Variants in DNER observed in about 807,000 individuals in gnomAD.
DNER encodes delta and Notch-like epidermal growth factor-related receptor.
In DNER, 33 loss-of-function variants were observed where a neutral mutation model predicts 78.2. That is an observed-to-expected ratio of 0.42 (90% confidence interval 0.32 to 0.56). The LOEUF is 0.56. Among genes scored for constraint, DNER ranks in the 20% least tolerant of loss-of-function variants. The pLI is 0.11. For synonymous variants in DNER, 417 were observed against 384.8 expected (o/e 1.08, Z -0.98); for missense variants, 918 against 975.3 (o/e 0.94, Z 0.78).
chr2:229,476,116 G>C (rs1391149838), intron 7 of DNER, among the ~76,000 whole-genome samples: 1 of 152,212 alleles, frequency 6.6e-6, no homozygotes, highest in Non-Finnish European at 1.5e-5. Context: ...CACACAGAGA[G>C]AGAGAGGGAT....
intron 1 of DNER, among the ~76,000 whole-genome samples, chr2:229,643,464 A>C (rs1468771938): frequency 1.3e-5 from 2 of 152,230 alleles, no homozygotes; most frequent in African/African-American, 4.8e-5. Flanking sequence ...ATCCCTGCCC[A>C]GTCTTGAACT....
At chr2:229,574,450 A>G (rs1697262406) in intron 4 of DNER, among the ~76,000 whole-genome samples, 1 of 152,202 alleles carries the variant, frequency 6.6e-6, no homozygotes, top group African/African-American at 2.4e-5. Context: ...TTATTAACAT[A>G]AAAGATTGTC....
chr2:229,388,518 C>A, intron 10 of DNER, 122 bp from the exon 11 acceptor site: 1 of 1,195,332 alleles, frequency 8.4e-7, no homozygotes. Context: ...GCCCAACCTG[C>A]TGTTTGTATA....
chr2:229,538,252 T>A (rs889366924), intron 5 of DNER, among the ~76,000 whole-genome samples: 2 of 152,248 alleles, frequency 1.3e-5, no homozygotes, highest in Non-Finnish European at 2.9e-5. Context: ...ATCTCAGACA[T>A]CTTCACGTTA....
chr2:229,570,523 AGGCTGAGGCAGGAGAATCCTTTGAACCTG>A (rs1697197473), intron 4 of DNER, among the ~76,000 whole-genome samples: 1 of 151,784 alleles, frequency 6.6e-6, no homozygotes, highest in Non-Finnish European at 1.5e-5. Flanking sequence ...GCTACGTGGG[AGGCTGAGGCAGGAGAATCCTTTGAACCTG>A]GGAGGCAGAG....
chr2:229,700,794 A>G (rs6758674), intron 1 of DNER, among the ~76,000 whole-genome samples: 123,597 of 151,110 alleles, frequency 0.82, 51,063 homozygotes, highest in East Asian at 0.94. Context: ...GGTGGCACAC[A>G]CCTGTAGTCC....
chr2:229,591,535 T>C lies in DNER; in HGVS notation c.585+45A>G. The stretch of plus-strand genomic sequence containing the variant: ...TAGAACCGCTGGAGTCACTTTAAGA[T>C]TTCTGGTTTCTAATGTAAAAATGCA... On this transcript the variant is annotated intron_variant, in intron 2 of 12. Transcript: ENST00000341772. The surrounding 1 kb of genome is among the most constrained non-coding windows in gnomAD (Gnocchi z 4.6). 6.4e-7 allele frequency: 1 copy of C among 1,560,144 alleles called. No homozygotes were observed. Among genetic ancestry groups the C allele is most frequent in the Non-Finnish European group, 8.7e-7 (1 of 1,153,294 alleles).
intron 8 of DNER, among the ~76,000 whole-genome samples, chr2:229,432,474 AAG>A (rs751711052): frequency 1.3e-5 from 2 of 152,216 alleles, no homozygotes; most frequent in South Asian, 4.1e-4. Context: ...CATACTAACA[AAG>A]AGAAATTTTA....
intron 1 of DNER, among the ~76,000 whole-genome samples, chr2:229,659,142 T>C (rs1489216723): frequency 1.3e-5 from 2 of 152,200 alleles, no homozygotes; most frequent in Non-Finnish European, 2.9e-5. Context: ...AACAAGAGTG[T>C]TTCTTTGTCC....
chr2:229,411,326 G>A (rs1324788471), intron 9 of DNER, among the ~76,000 whole-genome samples: 6 of 152,130 alleles, frequency 3.9e-5, no homozygotes, highest in South Asian at 2.1e-4. Flanking sequence ...GGAGGCCAAC[G>A]CGGGCAGATC....
At chr2:229,604,375 G>C (rs1404998447) in intron 1 of DNER, among the ~76,000 whole-genome samples, 1 of 152,174 alleles carries the variant, frequency 6.6e-6, no homozygotes, top group African/African-American at 2.4e-5. Context: ...ACAAAGAAGA[G>C]ACCCCATTGC....
At chr2:229,676,547 G>T (rs1440020090) in intron 1 of DNER, among the ~76,000 whole-genome samples, 5 of 152,160 alleles carry the variant, frequency 3.3e-5, no homozygotes, top group Non-Finnish European at 2.9e-5. Flanking sequence ...TGGTTTTGGG[G>T]TGCTATTTGC....
intron 8 of DNER, 118 bp from the exon 9 acceptor site, chr2:229,418,348 G>A: frequency 7.4e-7 from 1 of 1,359,694 alleles, no homozygotes; most frequent in African/African-American, 1.4e-5. Flanking sequence ...TAAACAGATG[G>A]GATTTCAGGA....
intron 4 of DNER, among the ~76,000 whole-genome samples, chr2:229,563,463 C>T (rs1411183614): frequency 1.4e-5 from 2 of 147,434 alleles, no homozygotes; most frequent in Non-Finnish European, 3.0e-5. Flanking sequence ...TTCATCATCA[C>T]CCCATCGCCA....
chr2:229,366,205 T>G (rs191069978), intron 12 of DNER, among the ~76,000 whole-genome samples: 1 of 152,258 alleles, frequency 6.6e-6, no homozygotes, highest in Admixed American at 6.5e-5. Flanking sequence ...AGTATATATA[T>G]TTGTAATTTA....
At chr2:229,559,687 A>G (rs1696919908) in intron 4 of DNER, among the ~76,000 whole-genome samples, 1 of 152,202 alleles carries the variant, frequency 6.6e-6, no homozygotes. Context: ...TGAGAGGCTC[A>G]CTTCTATTTG....
intron 9 of DNER, among the ~76,000 whole-genome samples, chr2:229,409,516 A>G (rs565754789): frequency 6.6e-6 from 1 of 152,332 alleles, no homozygotes; most frequent in African/African-American, 2.4e-5. Flanking sequence ...TCTAGGCCAA[A>G]TATTTAAGCA....
In DNER at chr2:229,560,256, T is replaced by C. The variant is rs61037662; in HGVS notation, c.848-13164A>G. On this transcript the variant is annotated intron_variant, in intron 4 of 12. Transcript: ENST00000341772. ...TTTGGCTAAAGACCATTTTCTTTCCTGTTAAAGGGAAAGCATAAGTGGAAA... is the reference window on the plus strand; with the variant it reads ...TTTGGCTAAAGACCATTTTCTTTCCCGTTAAAGGGAAAGCATAAGTGGAAA... Among the ~76,000 whole-genome samples, 1,059 of 152,362 alleles carry C rather than the reference T, an allele frequency of 7.0e-3. 20 individuals carry two copies. The highest frequency in any genetic ancestry group is 0.024 in the African/African-American group (1,015 of 41,588).
chr2:229,710,104 C>T (rs188889066), intron 1 of DNER, among the ~76,000 whole-genome samples: 44 of 152,278 alleles, frequency 2.9e-4, no homozygotes, highest in African/African-American at 8.9e-4. Flanking sequence ...AGCTAGGACC[C>T]AGAATTCTAA....
Sources: gnomAD v4.1 joint callset for allele counts (sites outside exome capture counted in the v4.1 genomes callset) on GRCh38, gnomAD v4.1.1 for gene constraint, Gnocchi (gnomAD v3.1) non-coding constraint, MANE v1.5 for transcripts, NCBI Gene and HGNC (gene_info 2026-07-23, HGNC 2026-07-21) for gene names.